The following GAB1 variants were observed in gnomAD, a reference collection of about 807,000 sequenced individuals.
GAB1 encodes GRB2 associated binding protein 1.
GAB1 carries 19 observed loss-of-function variants against 66.5 expected under a neutral mutation model. The ratio of observed to expected loss-of-function variants is 0.29; its 90% CI spans 0.20 to 0.42. The LOEUF (loss-of-function observed/expected upper bound fraction) is 0.42. GAB1 is among the 10% of genes least tolerant of loss of function. The probability of loss-of-function intolerance (pLI) is 1.00; values close to 1 mark genes in which losing one functional copy is unlikely to be tolerated. For synonymous variants in GAB1, 294 were observed against 301.4 expected (o/e 0.98, Z 0.25); for missense variants, 732 against 858.5 (o/e 0.85, Z 1.84).
In GAB1 at chr4:143,337,280, C is replaced by G; in HGVS notation, c.72+20C>G. 2 of 1,563,468 alleles carry G rather than the reference C, an allele frequency of 1.3e-6. No homozygotes were observed. The highest frequency in any genetic ancestry group is 1.7e-6 in the Non-Finnish European group (2 of 1,152,198). Reference sequence around the variant, plus strand: ...CGTTATGTAAGTAGAGCTGCGGGCACCACTCCGCGGGCCTCGGCGTCCACA... The same window carrying G: ...CGTTATGTAAGTAGAGCTGCGGGCAGCACTCCGCGGGCCTCGGCGTCCACA... On this transcript the variant is annotated intron_variant, in intron 1 of 9. Transcript: ENST00000262994.
intron 2 of GAB1, among the ~76,000 whole-genome samples, chr4:143,423,964 C>T (rs1733192407): frequency 6.6e-6 from 1 of 150,732 alleles, no homozygotes; most frequent in Non-Finnish European, 1.5e-5. Flanking sequence ...CTGTCATTTA[C>T]AGGTGGGAGA....
At chr4:143,457,832 T>C (rs867564158) in intron 6 of GAB1, 2 of 901,560 alleles carry the variant, frequency 2.2e-6, no homozygotes, top group Middle Eastern at 2.1e-4. Context: ...ATGTTTTTTG[T>C]TTTTTTTCTA....
intron 2 of GAB1, among the ~76,000 whole-genome samples, chr4:143,416,280 C>T (rs1404733353): frequency 2.0e-5 from 3 of 152,064 alleles, no homozygotes; most frequent in African/African-American, 7.2e-5. Context: ...TGGTGGCAGG[C>T]ACCTGTGGTC....
intron 4 of GAB1, 95 bp from the exon 5 acceptor site, chr4:143,439,707 A>G (rs928473479): frequency 2.5e-6 from 2 of 785,480 alleles, no homozygotes; most frequent in East Asian, 2.5e-5. Context: ...GTGTGTATGC[A>G]TATGTATAAT....
At chr4:143,337,760 A>T (rs1218994139) in intron 1 of GAB1, among the ~76,000 whole-genome samples, 1 of 151,974 alleles carries the variant, frequency 6.6e-6, no homozygotes, top group Non-Finnish European at 1.5e-5. Context: ...CGGGCTGTGG[A>T]GCTGAGGAGT....
intron 1 of GAB1, among the ~76,000 whole-genome samples, chr4:143,381,718 G>A (rs1730665631): frequency 6.6e-6 from 1 of 152,110 alleles, no homozygotes; most frequent in Non-Finnish European, 1.5e-5. Context: ...AAATCGTGTG[G>A]AATGACTATA....
At chr4:143,464,477 G>T (rs533913371) in intron 8 of GAB1, among the ~76,000 whole-genome samples, 2 of 152,114 alleles carry the variant, frequency 1.3e-5, no homozygotes, top group African/African-American at 4.8e-5. Context: ...TGGTCCGCCC[G>T]CCTCAGCCTC....
chr4:143,374,649 G>A (rs73853823), intron 1 of GAB1, among the ~76,000 whole-genome samples: 4,331 of 152,218 alleles, frequency 0.028, 211 homozygotes, highest in African/African-American at 0.1. Flanking sequence ...GTTCACATGG[G>A]CATCATTGTC....
rs752279482 is a variant in GAB1 at position 143,439,828 on chromosome 4, A to G, written c.1222A>G (p.Ile408Val). 1 of 1,613,368 alleles carries G rather than the reference A, an allele frequency of 6.2e-7. No homozygotes were observed. The change falls in exon 5 of 10, where the codon ATT becomes GTT. Residue 408 changes from isoleucine (I) to valine (V), a missense_variant. By Grantham distance (29) the Ile-to-Val change is conservative. Coordinates refer to ENST00000262994, the MANE Select transcript of GAB1 (RefSeq NM_002039.4). ...TGCTAGTTCTCAAGACTGCTATGAT[A>G]TTCCACGAGCATTTCCAAGTGATAG... ...KDASSQDCYD[I>V]PRAFPSDRSS...
chr4:143,362,429 G>C (rs1287576783), intron 1 of GAB1, among the ~76,000 whole-genome samples: 1 of 152,088 alleles, frequency 6.6e-6, no homozygotes, highest in African/African-American at 2.4e-5. Flanking sequence ...ATAAAGAATG[G>C]CTACTCCATA....
At chr4:143,370,539 T>C (rs1730075349) in intron 1 of GAB1, among the ~76,000 whole-genome samples, 5 of 152,186 alleles carry the variant, frequency 3.3e-5, no homozygotes, top group Admixed American at 2.0e-4. Context: ...GCTGTCCTCA[T>C]TGATAGTACA....
chr4:143,376,697 A>G (rs1255583556), intron 1 of GAB1: 1 of 152,220 alleles, frequency 6.6e-6, no homozygotes, highest in Admixed American at 6.5e-5. Flanking sequence ...AAAAGTAAGA[A>G]CACCAAATTA....
chr4:143,467,277 A>G (rs1441062747), intron 9 of GAB1, among the ~76,000 whole-genome samples: 1 of 152,170 alleles, frequency 6.6e-6, no homozygotes, highest in Non-Finnish European at 1.5e-5. Context: ...CTTGTAGATA[A>G]TGTCTTTTCT....
chr4:143,365,502 A>C (rs540309780), intron 1 of GAB1, among the ~76,000 whole-genome samples: 66 of 152,160 alleles, frequency 4.3e-4, no homozygotes, highest in Non-Finnish European at 7.8e-4. Context: ...GAGGCATGAA[A>C]GGGGGATTGG....
At chr4:143,447,112 C>T (rs1299034915) in intron 6 of GAB1, among the ~76,000 whole-genome samples, 21 of 151,868 alleles carry the variant, frequency 1.4e-4, no homozygotes, top group South Asian at 6.2e-4. Context: ...TGTAGATATG[C>T]GGCGTTATTT....
intron 1 of GAB1, among the ~76,000 whole-genome samples, chr4:143,366,745 A>G (rs1729896035): frequency 6.6e-6 from 1 of 152,160 alleles, no homozygotes; most frequent in Non-Finnish European, 1.5e-5. Context: ...TTATTTTGAG[A>G]CATGGTCTGG....
At chr4:143,353,596 A>ATTT (rs34049717) in intron 1 of GAB1, among the ~76,000 whole-genome samples, 2 of 143,448 alleles carry the variant, frequency 1.4e-5, no homozygotes, top group African/African-American at 2.6e-5. Flanking sequence ...AGCTATTCTT[A>ATTT]TTTTTTTTTT....
At chr4:143,447,197 G>T (rs1734604664) in intron 6 of GAB1, among the ~76,000 whole-genome samples, 2 of 151,728 alleles carry the variant, frequency 1.3e-5, no homozygotes, top group African/African-American at 4.8e-5. Flanking sequence ...GGTTACTGTA[G>T]CCTTGTAGTA....
chr4:143,361,671 C>T (rs1464724813), intron 1 of GAB1, among the ~76,000 whole-genome samples: 1 of 152,166 alleles, frequency 6.6e-6, no homozygotes, highest in Non-Finnish European at 1.5e-5. Context: ...GCATCTTGCA[C>T]CACCAGCACA....
Sources: allele counts gnomAD v4.1 joint callset (sites outside exome capture counted in the v4.1 genomes callset), GRCh38; gene constraint gnomAD v4.1.1; transcripts MANE v1.5; gene names NCBI Gene and HGNC (gene_info 2026-07-23, HGNC 2026-07-21).